The following TMEM232 variants were observed in gnomAD, a reference collection of about 807,000 sequenced individuals.
TMEM232 encodes the protein transmembrane protein 232.
TMEM232 carries 80 observed loss-of-function variants against 78.8 expected under a neutral mutation model. The observed-to-expected ratio is 1.01, with a 90% CI of 0.85 to 1.22. TMEM232 has a LOEUF of 1.22. TMEM232 is among the 50% of genes most tolerant of loss of function. TMEM232 has a pLI of 0.00. For synonymous variants in TMEM232, 297 were observed against 254.3 expected, an observed-to-expected ratio of 1.17 and a Z score of -1.60; for missense variants, 881 against 742.2, an observed-to-expected ratio of 1.19 and a Z score of -2.17.
intron 10 of TMEM232, among the ~76,000 whole-genome samples, chr5:110,578,254 G>A (rs117274853): frequency 0.021 from 3,211 of 151,816 alleles, 34 homozygotes; most frequent in Admixed American, 0.025. Context: ...CCAAGAGATG[G>A]AATAATAATT....
chr5:110,595,724 GA>G (rs1780077443), intron 10 of TMEM232, among the ~76,000 whole-genome samples: 1 of 152,024 alleles, frequency 6.6e-6, no homozygotes, highest in Non-Finnish European at 1.5e-5. Context: ...CAAAATCAGA[GA>G]AAAAAGAATG....
At chr5:110,687,769 C>A (rs180690726) in intron 1 of TMEM232, among the ~76,000 whole-genome samples, 16 of 151,896 alleles carry the variant, frequency 1.1e-4, no homozygotes, top group African/African-American at 1.7e-4. Flanking sequence ...CATATACATA[C>A]GTACATATTA....
intron 2 of TMEM232, among the ~76,000 whole-genome samples, chr5:110,647,688 G>A (rs73783685): frequency 0.019 from 2,828 of 151,946 alleles, 104 homozygotes; most frequent in African/African-American, 0.066. Context: ...TTAATATGCA[G>A]AATATAGATG....
rs1472326078 is a variant in TMEM232 at position 110,616,517 on chromosome 5, C to A, written c.902+1912G>T. On this transcript the variant is annotated intron_variant, in intron 8 of 13. Coordinates refer to ENST00000455884, the MANE Select transcript of TMEM232 (RefSeq NM_001039763.4). ...ATATGTGCAAACCATACATTTTTAA[C>A]CCATATATTTAAAGAAAATATGTGA... 3.3e-5 allele frequency among the ~76,000 whole-genome samples: 5 copies of A among 151,838 alleles called. No homozygotes were observed. In the South Asian group the frequency reaches 1.0e-3, roughly 31 times the overall value.
chr5:110,395,176 G>A (rs1242994334), intron 3 of TMEM232, among the ~76,000 whole-genome samples: 3 of 152,112 alleles, frequency 2.0e-5, no homozygotes, highest in Admixed American at 2.0e-4. Context: ...AAGAGCATCA[G>A]ATTTTGTTGC....
At chr5:110,723,144 C>G (rs537618546) in intron 1 of TMEM232, among the ~76,000 whole-genome samples, 1 of 152,100 alleles carries the variant, frequency 6.6e-6, no homozygotes, top group Non-Finnish European at 1.5e-5. Flanking sequence ...GGGCCTGGTA[C>G]TTTCTGTTTT....
In TMEM232 at chr5:110,399,130, C is replaced by G. The variant is rs190404214; in HGVS notation, n.309-1276G>C. ...AACCCTGAATGACACACCATCTAAA[C>G]TAGAAAAAAAAAAGCTTACACAGCA... On this transcript the variant is annotated intron_variant and non_coding_transcript_variant, in intron 2 of 8. Transcript: ENST00000507188. 3.6e-4 allele frequency among the ~76,000 whole-genome samples: 55 copies of G among 151,116 alleles called. 1 individual carries two copies. The highest frequency in any genetic ancestry group is 9.2e-4 in the Admixed American group (14 of 15,204).
chr5:110,444,863 GATGTCTGGACTATACCTCTCA>G (rs2112783577), intron 12 of TMEM232, among the ~76,000 whole-genome samples: 1 of 152,064 alleles, frequency 6.6e-6, no homozygotes, highest in Non-Finnish European at 1.5e-5. Flanking sequence ...TTCTAATGTA[GATGTCTGGACTATACCTCTCA>G]TTTTGTTATC....
intron 3 of TMEM232, among the ~76,000 whole-genome samples, chr5:110,394,028 A>G (rs1220797189): frequency 6.6e-6 from 1 of 151,788 alleles, no homozygotes; most frequent in Non-Finnish European, 1.5e-5. Flanking sequence ...ATGAAATACT[A>G]GATCTTATTA....
At chr5:110,699,682 C>A (rs1795213560) in intron 1 of TMEM232, among the ~76,000 whole-genome samples, 1 of 152,048 alleles carries the variant, frequency 6.6e-6, no homozygotes, top group African/African-American at 2.4e-5. Flanking sequence ...AAAGTTTCCA[C>A]TGTTTTGCCT....
rs374867487 is a variant in TMEM232, at chr5:110,464,552, G to C, written c.1704-39636C>G. Among the ~76,000 whole-genome samples, 11 of 152,262 alleles carry C rather than the reference G, an allele frequency of 7.2e-5. 1 individual carries two copies. The East Asian group carries it at 7.7e-4, about 11-fold the overall frequency. On this transcript the variant is annotated intron_variant, in intron 12 of 13. Transcript: ENST00000455884. ...GACACCTAGGTGTCCAGCCCTGCTA[G>C]CATATGGTGTGACTTTTAAGCTCAA...
chr5:110,388,969 G>A (rs1290980679), intron 4 of TMEM232, among the ~76,000 whole-genome samples: 1 of 152,010 alleles, frequency 6.6e-6, no homozygotes, highest in African/African-American at 2.4e-5. Flanking sequence ...GATGAAAGAA[G>A]TTGTCTTGGG....
chr5:110,414,765 G>T (rs937218652), downstream of TMEM232, among the ~76,000 whole-genome samples: 1 of 152,076 alleles, frequency 6.6e-6, no homozygotes, highest in South Asian at 2.1e-4. Flanking sequence ...AGATTTATAG[G>T]GAGAGGTCTG....
intron 4 of TMEM232, among the ~76,000 whole-genome samples, chr5:110,638,865 T>C (rs1269865895): frequency 6.6e-6 from 1 of 151,834 alleles, no homozygotes; most frequent in Non-Finnish European, 1.5e-5. Flanking sequence ...CAGAACCAGA[T>C]GATAAAAGGC....
intron 1 of TMEM232, among the ~76,000 whole-genome samples, chr5:110,685,924 G>A (rs991484136): frequency 6.6e-6 from 1 of 152,102 alleles, no homozygotes; most frequent in African/African-American, 2.4e-5. Context: ...TTTCATATAT[G>A]AGAAATTCAA....
intron 10 of TMEM232, among the ~76,000 whole-genome samples, chr5:110,578,618 T>C (rs1358661596): frequency 1.3e-5 from 2 of 151,884 alleles, no homozygotes; most frequent in East Asian, 3.9e-4. Flanking sequence ...ACCTAAATAT[T>C]TCCTACTTCA....
chr5:110,438,865 T>C (rs1758717612), intron 12 of TMEM232, among the ~76,000 whole-genome samples: 1 of 152,138 alleles, frequency 6.6e-6, no homozygotes, highest in African/African-American at 2.4e-5. Context: ...TCCTGGAAAC[T>C]AAAAGTTTTC....
intron 12 of TMEM232, among the ~76,000 whole-genome samples, chr5:110,465,235 T>C (rs1761948920): frequency 6.6e-6 from 1 of 152,218 alleles, no homozygotes; most frequent in Non-Finnish European, 1.5e-5. Context: ...AAATATTATA[T>C]CTGTGAGGTA....
At chr5:110,711,133 A>G (rs1321924277) in intron 1 of TMEM232, among the ~76,000 whole-genome samples, 1 of 152,238 alleles carries the variant, frequency 6.6e-6, no homozygotes, top group East Asian at 1.9e-4. Context: ...AAGAATGTGA[A>G]AGAGAAATCA....
Sources: allele counts gnomAD v4.1 joint callset (sites outside exome capture counted in the v4.1 genomes callset), GRCh38; gene constraint gnomAD v4.1.1; transcripts MANE v1.5; gene names NCBI Gene and HGNC (gene_info 2026-07-23, HGNC 2026-07-21).